HERC2: variants seen among roughly 807,000 people sequenced by gnomAD.
HERC2 encodes E3 ubiquitin-protein ligase HERC2.
A neutral mutation model predicts 537.7 loss-of-function variants in HERC2; 102 were observed. That is an observed-to-expected ratio of 0.19 (90% CI 0.16 to 0.22). The LOEUF (loss-of-function observed/expected upper bound fraction) is 0.22, where lower values mean the gene tolerates loss of function less well. Ranked by LOEUF, HERC2 falls within the 10% of genes least tolerant of loss-of-function variation. HERC2 has a pLI of 1.00. For synonymous variants in HERC2, 2,224 were observed against 2,466.2 expected (o/e 0.90, Z 2.91); for missense variants, 4,236 against 6,198.2 (o/e 0.68, Z 10.63).
At chr15:28,315,293 CTG>C (rs2077051587) in intron 2 of HERC2, among the ~76,000 whole-genome samples, 1 of 152,254 alleles carries the variant, frequency 6.6e-6, no homozygotes, top group African/African-American at 2.4e-5. Context: ...ACCTTCCAGG[CTG>C]TGTCACTGGC....
rs1401224755 is a variant in HERC2, at chr15:28,235,330, G to A, written c.4004-1046C>T. On this transcript the variant is annotated intron_variant, in intron 26 of 92. Transcript: ENST00000261609. ...CTGTGGATTGGACCCACCTGCCAGGGCCCATGGCACCCTCTGCCCTGGAAC... is the reference window on the plus strand; with the variant it reads ...CTGTGGATTGGACCCACCTGCCAGGACCCATGGCACCCTCTGCCCTGGAAC... 2.0e-5 allele frequency among the ~76,000 whole-genome samples: 3 copies of A among 152,136 alleles called. No homozygotes were observed. In the East Asian group the frequency reaches 5.8e-4, roughly 30 times the overall value.
chr15:28,199,730 T>C (rs991159030), intron 48 of HERC2, among the ~76,000 whole-genome samples: 2 of 152,146 alleles, frequency 1.3e-5, no homozygotes, highest in African/African-American at 2.4e-5. Context: ...CCTGTTGAGA[T>C]GGGGCCGGAG....
Position 28,265,803 on chromosome 15 carries a change from C to T in HERC2, c.1756+14G>A. On this transcript the variant is annotated intron_variant, in intron 13 of 92. Transcript: ENST00000261609. The surrounding 1 kb of genome is among the most constrained non-coding windows in gnomAD (Gnocchi z 4.0). ...CTCCTGCTGCATGCTCCCACTCATG[C>T]AGAGCAGACGTACCATGGCCCAGCC... is the stretch of plus-strand genomic sequence containing the variant. 1 of 1,614,154 alleles carries T rather than the reference C, an allele frequency of 6.2e-7. No homozygotes were observed.
At chr15:28,259,394 G>A (rs2075356780) in intron 16 of HERC2, among the ~76,000 whole-genome samples, 3 of 151,944 alleles carry the variant, frequency 2.0e-5, no homozygotes, top group South Asian at 4.1e-4. Context: ...TGTGTCTGGC[G>A]TAAAATCTTT....
intron 56 of HERC2, among the ~76,000 whole-genome samples, chr15:28,183,298 C>T (rs1033762887): frequency 7.2e-5 from 11 of 152,232 alleles, no homozygotes; most frequent in Admixed American, 3.9e-4. Context: ...TAGCTTCAAC[C>T]TCCCAGGCTC....
intron 48 of HERC2, among the ~76,000 whole-genome samples, chr15:28,199,736 C>G (rs949782626): frequency 6.6e-6 from 1 of 152,026 alleles, no homozygotes. Context: ...GAGATGGGGC[C>G]GGAGGGAGTA....
At chr15:28,247,037 G>C in intron 21 of HERC2, 140 bp from the exon 22 acceptor site, 2 of 706,290 alleles carry the variant, frequency 2.8e-6, no homozygotes, top group Non-Finnish European at 4.7e-6. Context: ...GTTAACCCTT[G>C]TCCTTGCGCT....
chr15:28,184,440 C>T (rs1896108709), intron 56 of HERC2, among the ~76,000 whole-genome samples: 1 of 152,112 alleles, frequency 6.6e-6, no homozygotes, highest in Non-Finnish European at 1.5e-5. Flanking sequence ...TAAGATCTTA[C>T]CAGAACAAAA....
At chr15:28,308,410 T>C (rs2076851408) in intron 2 of HERC2, among the ~76,000 whole-genome samples, 2 of 152,266 alleles carry the variant, frequency 1.3e-5, no homozygotes, top group South Asian at 2.1e-4. Flanking sequence ...TTTCGTATAC[T>C]GCAATTGTAT....
rs1324702674 is a variant in HERC2, at chr15:28,248,744, G to A, written c.3051-8C>T. 12 of 1,599,658 alleles carry A rather than the reference G, an allele frequency of 7.5e-6. No individual in the cohort carries two copies. In the East Asian group the frequency reaches 2.2e-4, roughly 30 times the overall value. On this transcript the variant is annotated splice_region_variant and splice_polypyrimidine_tract_variant and intron_variant, in intron 20 of 92. Coordinates refer to ENST00000261609, the MANE Select transcript of HERC2 (RefSeq NM_004667.6). ...GTCTGAGAAGCAATGTTTCTATACA[G>A]GAAAGAAGAGGATTACAAAATTAAA...
At chr15:28,251,485 A>C (rs945544378) in intron 20 of HERC2, among the ~76,000 whole-genome samples, 3 of 150,904 alleles carry the variant, frequency 2.0e-5, no homozygotes, top group African/African-American at 7.3e-5. Flanking sequence ...TAAAAAAAAA[A>C]AACAAAAAAA....
At chr15:28,296,197 C>T (rs1214689275) in intron 3 of HERC2, among the ~76,000 whole-genome samples, 5 of 152,018 alleles carry the variant, frequency 3.3e-5, no homozygotes, top group African/African-American at 4.8e-5. Flanking sequence ...AAATGTGGGC[C>T]GGGCATGGTG....
chr15:28,214,132 T>C lies in HERC2; in HGVS notation c.6499A>G (p.Ile2167Val), dbSNP rs1445025406. The change falls in exon 41 of 93, where the codon ATC becomes GTC. Residue 2167 changes from isoleucine (I) to valine (V), a missense_variant. By Grantham distance (29) the Ile-to-Val change is conservative. Transcript: ENST00000261609. ...TQWNGLINKY[I>V]NSQLRSITHS... Reference sequence around the variant, plus strand: ...GTGATGGAGCGGAGCTGGGAGTTGATGTACTTGTTGATGAGCCCATTCCAC... The same window carrying C: ...GTGATGGAGCGGAGCTGGGAGTTGACGTACTTGTTGATGAGCCCATTCCAC... The C allele has an allele frequency of 1.9e-6, 3 of 1,614,132 alleles. No individual in the cohort carries two copies. Among genetic ancestry groups the C allele is most frequent in the Non-Finnish European group, 1.7e-6 (2 of 1,180,002 alleles).
chr15:28,239,237 T>C (rs950910617), intron 23 of HERC2, among the ~76,000 whole-genome samples: 1 of 152,128 alleles, frequency 6.6e-6, no homozygotes, highest in African/African-American at 2.4e-5. Context: ...CAGATCGAAA[T>C]TGGTGACATA....
intron 70 of HERC2, 109 bp downstream of exon 70, chr15:28,152,568 A>T: frequency 2.0e-6 from 2 of 1,019,600 alleles, no homozygotes. Flanking sequence ...CAATTCTGTA[A>T]CTTCTTTTTA....
rs541957079 is a variant in HERC2 at position 28,308,259 on chromosome 15, A to G, written c.73-8743T>C. 6.6e-5 allele frequency among the ~76,000 whole-genome samples: 10 copies of G among 152,248 alleles called. No individual in the cohort carries two copies. In the East Asian group the frequency reaches 1.9e-3, roughly 29 times the overall value. Reference sequence around the variant, plus strand: ...GCGTTTTAGAGTTTTCATTACAGAGATCTTTGTAATTATCTTCTTTGGTTA... The same window carrying G: ...GCGTTTTAGAGTTTTCATTACAGAGGTCTTTGTAATTATCTTCTTTGGTTA... On this transcript the variant is annotated intron_variant, in intron 2 of 92. Transcript: ENST00000261609.
At chr15:28,320,057 A>C (rs545545522) in intron 2 of HERC2, 42 of 152,222 alleles carry the variant, frequency 2.8e-4, no homozygotes, top group African/African-American at 1.0e-3. Context: ...TTCTTGACCC[A>C]ATTCTCTGTA....
At chr15:28,249,712 T>C (rs188449927) in intron 20 of HERC2, among the ~76,000 whole-genome samples, 3 of 152,154 alleles carry the variant, frequency 2.0e-5, no homozygotes, top group African/African-American at 7.2e-5. Flanking sequence ...AGTGACATGA[T>C]CTCAGCTCAC....
intron 73 of HERC2, 29 bp downstream of exon 73, chr15:28,144,048 A>G (rs1392599224): frequency 6.2e-7 from 1 of 1,614,040 alleles, no homozygotes; most frequent in Non-Finnish European, 8.5e-7. Context: ...AAGCAGGAAG[A>G]CAGATGTAAC....
Sources: allele counts gnomAD v4.1 joint callset (sites outside exome capture counted in the v4.1 genomes callset), GRCh38; gene constraint gnomAD v4.1.1; non-coding constraint Gnocchi (gnomAD v3.1); transcripts MANE v1.5; gene names NCBI Gene and HGNC (gene_info 2026-07-23, HGNC 2026-07-21).